The following ROBO1 variants were observed in gnomAD, a reference collection of about 807,000 sequenced individuals.
ROBO1 encodes the protein roundabout guidance receptor 1.
Under a neutral mutation model 195.9 loss-of-function variants are expected in ROBO1, and 149 were observed. That is an observed-to-expected ratio of 0.76 (90% CI 0.67 to 0.87). The LOEUF (loss-of-function observed/expected upper bound fraction) is 0.87, where lower values mean the gene tolerates loss of function less well. ROBO1 is among the 40% of genes least tolerant of loss of function. The pLI is 0.00. For missense variants in ROBO1, 1,933 were observed against 2,068.3 expected, an observed-to-expected ratio of 0.93 and a Z score of 1.27; for synonymous variants, 816 against 733.2, an observed-to-expected ratio of 1.11 and a Z score of -1.82.
chr3:78,657,875 T>C (rs184334170), intron 17 of ROBO1, among the ~76,000 whole-genome samples: 6 of 152,284 alleles, frequency 3.9e-5, no homozygotes, highest in Admixed American at 2.6e-4. Context: ...TTATTAAAAA[T>C]AAAACTGCAC....
At chr3:78,979,843 G>A (rs1312060833) in intron 3 of ROBO1, among the ~76,000 whole-genome samples, 1 of 151,386 alleles carries the variant, frequency 6.6e-6, no homozygotes, top group Non-Finnish European at 1.5e-5. Context: ...ACACACACAC[G>A]AGATCTACTT....
intron 3 of ROBO1, among the ~76,000 whole-genome samples, chr3:79,037,919 A>G (rs2078409567): frequency 6.6e-6 from 1 of 152,190 alleles, no homozygotes; most frequent in African/African-American, 2.4e-5. Context: ...TCTTTTGAAC[A>G]CTTTACTTTG....
At chr3:79,133,993 C>G (rs533583438) in intron 2 of ROBO1, among the ~76,000 whole-genome samples, 1 of 151,416 alleles carries the variant, frequency 6.6e-6, no homozygotes, top group African/African-American at 2.4e-5. Flanking sequence ...ACTTCATGTC[C>G]AAAACACCAA....
At chr3:78,804,058 A>C (rs964692659) in intron 4 of ROBO1, among the ~76,000 whole-genome samples, 1 of 152,112 alleles carries the variant, frequency 6.6e-6, no homozygotes, top group African/African-American at 2.4e-5. Context: ...TTTCCTGCAA[A>C]GTTTGTATTT....
chr3:78,606,381 T>A (rs1703458847), intron 29 of ROBO1, among the ~76,000 whole-genome samples: 1 of 152,160 alleles, frequency 6.6e-6, no homozygotes, highest in Admixed American at 6.6e-5. Context: ...CCCCAAATAT[T>A]CAATTCTCCA....
intron 1 of ROBO1, among the ~76,000 whole-genome samples, chr3:79,752,867 C>T (rs1704195350): frequency 6.6e-6 from 1 of 151,990 alleles, no homozygotes; most frequent in East Asian, 1.9e-4. Context: ...AATGAGGGAT[C>T]ATCAACTATA....
At chr3:79,061,666 G>C (rs2078920355) in intron 3 of ROBO1, among the ~76,000 whole-genome samples, 1 of 152,062 alleles carries the variant, frequency 6.6e-6, no homozygotes, top group African/African-American at 2.4e-5. Flanking sequence ...TAGACCAATG[G>C]AACAGAACAG....
At chr3:79,758,063 T>A (rs55936300) in intron 1 of ROBO1, among the ~76,000 whole-genome samples, 1,701 of 152,316 alleles carry the variant, frequency 0.011, 33 homozygotes, top group African/African-American at 0.039. Flanking sequence ...ATCATTAGTA[T>A]AATACAACTC....
chr3:79,677,717 C>T (rs1946827824), intron 1 of ROBO1, among the ~76,000 whole-genome samples: 1 of 152,064 alleles, frequency 6.6e-6, no homozygotes, highest in Non-Finnish European at 1.5e-5. Context: ...CTGCAGGCAA[C>T]AGCCAACAAG....
intron 2 of ROBO1, among the ~76,000 whole-genome samples, chr3:79,504,234 A>T (rs2107515335): frequency 6.6e-6 from 1 of 152,260 alleles, no homozygotes; most frequent in South Asian, 2.1e-4. Context: ...TTTGGAAGAT[A>T]CATTTTTATT....
chr3:79,568,950 T>G (rs777098118), intron 2 of ROBO1, among the ~76,000 whole-genome samples: 3 of 152,202 alleles, frequency 2.0e-5, no homozygotes, highest in Non-Finnish European at 4.4e-5. Context: ...CATATTTAAC[T>G]CAATTCTTTC....
In ROBO1 at chr3:78,635,759, G is replaced by A. The variant is rs758086127; in HGVS notation, c.3373+14C>T. On this transcript the variant is annotated intron_variant, in intron 23 of 30. Transcript: ENST00000464233. ...CATACAGAAACAGATGGGAATACAT[G>A]CAAGCCTCTTCACCTTTGTTCAGCT... 2 of 1,609,104 alleles carry A rather than the reference G, an allele frequency of 1.2e-6. No homozygotes were observed. Among genetic ancestry groups the A allele is most frequent in the South Asian group, 2.2e-5 (2 of 90,832 alleles).
intron 2 of ROBO1, among the ~76,000 whole-genome samples, chr3:79,515,167 G>A (rs75941038): frequency 2.6e-5 from 4 of 152,078 alleles, no homozygotes; most frequent in Non-Finnish European, 4.4e-5. Context: ...CAACACAAGC[G>A]GCTGAAAAAT....
At chr3:78,658,636 A>C (rs1379342563) in intron 17 of ROBO1, among the ~76,000 whole-genome samples, 1 of 152,250 alleles carries the variant, frequency 6.6e-6, no homozygotes, top group Non-Finnish European at 1.5e-5. Flanking sequence ...ATTAACTTTA[A>C]GTAGACAATT....
intron 3 of ROBO1, among the ~76,000 whole-genome samples, chr3:79,084,750 A>G (rs1299485164): frequency 6.6e-6 from 1 of 152,174 alleles, no homozygotes; most frequent in Non-Finnish European, 1.5e-5. Flanking sequence ...CTTACCCACT[A>G]CATCAGAGAT....
Position 78,828,264 on chromosome 3 carries a change from T to G in ROBO1, c.500-81364A>C, listed in dbSNP as rs149113594. ...ACTGATGTTGCATTTTTTAGTTCCA[T>G]GTTACACATATTTAATCTTCCAGAA... On this transcript the variant is annotated intron_variant, in intron 4 of 30. Coordinates refer to ENST00000464233, the MANE Select transcript of ROBO1 (RefSeq NM_002941.4). Among the ~76,000 whole-genome samples, 417 of 142,028 alleles carry G rather than the reference T, an allele frequency of 2.9e-3. 2 individuals are homozygous for G. The highest frequency in any genetic ancestry group is 0.01 in the African/African-American group (401 of 38,602). The allele number at this position is 142,028 out of a possible 152,430, so 93.2% of individuals were successfully genotyped here. A position where few individuals can be genotyped will look rare whatever the true frequency, so the allele number is the denominator to read the frequency against.
At chr3:79,505,754 A>G (rs1434059535) in intron 2 of ROBO1, among the ~76,000 whole-genome samples, 1 of 152,228 alleles carries the variant, frequency 6.6e-6, no homozygotes, top group African/African-American at 2.4e-5. Flanking sequence ...AATAATGATA[A>G]CATAAGGTAG....
intron 8 of ROBO1, among the ~76,000 whole-genome samples, chr3:78,706,921 T>A (rs2081566297): frequency 6.6e-6 from 1 of 152,120 alleles, no homozygotes; most frequent in Admixed American, 6.5e-5. Context: ...GCAGGCTGCA[T>A]TGCCAACAAG....
At chr3:79,027,521 G>A (rs1251750294) in intron 3 of ROBO1, among the ~76,000 whole-genome samples, 2 of 151,824 alleles carry the variant, frequency 1.3e-5, no homozygotes, top group Admixed American at 6.6e-5. Context: ...TTCTAAATAC[G>A]GAAGGGCTCA....
Sources: allele counts gnomAD v4.1 joint callset (sites outside exome capture counted in the v4.1 genomes callset), GRCh38; gene constraint gnomAD v4.1.1; transcripts MANE v1.5; gene names NCBI Gene and HGNC (gene_info 2026-07-23, HGNC 2026-07-21).